The following DISP3 variants were observed in gnomAD, a reference collection of about 807,000 sequenced individuals.
DISP3 encodes the protein protein dispatched homolog 3.
In DISP3, 101 loss-of-function variants were observed where a neutral mutation model predicts 135.3. The ratio of observed to expected loss-of-function variants is 0.75; its 90% confidence interval spans 0.64 to 0.88. The LOEUF (loss-of-function observed/expected upper bound fraction) is 0.88, where lower values mean the gene tolerates loss of function less well. Among genes scored for constraint, DISP3 ranks in the 40% least tolerant of loss-of-function variants. The probability of loss-of-function intolerance (pLI) is 0.00; values close to 1 mark genes in which losing one functional copy is unlikely to be tolerated. For missense variants in DISP3, 1,713 were observed against 1,878.6 expected, an observed-to-expected ratio of 0.91 and a Z score of 1.63; for synonymous variants, 856 against 817.0, an observed-to-expected ratio of 1.05 and a Z score of -0.81.
intron 4 of DISP3, 37 bp from the exon 5 acceptor site, chr1:11,515,332 C>G: frequency 6.2e-7 from 1 of 1,611,300 alleles, no homozygotes; most frequent in Non-Finnish European, 8.5e-7. Context: ...CCATGAGGGT[C>G]CCCCCACCGT....
intron 12 of DISP3, among the ~76,000 whole-genome samples, chr1:11,526,048 G>T (rs957766436): frequency 3.9e-5 from 6 of 152,102 alleles, no homozygotes; most frequent in Admixed American, 3.9e-4. Context: ...CTTTAACGTG[G>T]TACACACCCT....
At chr1:11,488,523 G>C (rs552819375) in intron 1 of DISP3, among the ~76,000 whole-genome samples, 1 of 152,212 alleles carries the variant, frequency 6.6e-6, no homozygotes, top group African/African-American at 2.4e-5. Context: ...GGCACCCGTG[G>C]TGGGGAACTT....
intron 3 of DISP3, 67 bp from the exon 4 acceptor site, chr1:11,514,323 C>T (rs1641939991): frequency 2.0e-6 from 3 of 1,510,650 alleles, no homozygotes; most frequent in South Asian, 1.1e-5. Context: ...TCTACATGTT[C>T]ACATGTTCAC....
intron 10 of DISP3, among the ~76,000 whole-genome samples, chr1:11,522,605 GAGCCCAGCCA>G (rs1642239870): frequency 1.0e-5 from 1 of 96,278 alleles, no homozygotes; most frequent in African/African-American, 3.3e-5. Context: ...GACCCAGCCA[GAGCCCAGCCA>G]GGACCCAGCC....
intron 12 of DISP3, among the ~76,000 whole-genome samples, chr1:11,525,843 T>C (rs1642400448): frequency 6.6e-6 from 1 of 152,164 alleles, no homozygotes; most frequent in South Asian, 2.1e-4. Flanking sequence ...AGGGGCTTGC[T>C]CTGTCACCCA....
At chr1:11,513,997 A>T (rs1016164208) in intron 3 of DISP3, among the ~76,000 whole-genome samples, 3 of 151,950 alleles carry the variant, frequency 2.0e-5, no homozygotes, top group African/African-American at 7.2e-5. Flanking sequence ...GACACATTGA[A>T]TAGCAGTGTA....
chr1:11,498,478 C>T (rs1036911673), intron 1 of DISP3, among the ~76,000 whole-genome samples: 2 of 152,084 alleles, frequency 1.3e-5, no homozygotes, highest in African/African-American at 4.8e-5. Flanking sequence ...GATGAGCGTC[C>T]GAAGAGAGCC....
At chr1:11,535,370 T>C in intron 19 of DISP3, 108 bp from the exon 20 acceptor site, 1 of 1,444,024 alleles carries the variant, frequency 6.9e-7, no homozygotes, top group Non-Finnish European at 9.3e-7. Flanking sequence ...TCGGTGTGCC[T>C]TGTTTCTCCT....
intron 3 of DISP3, among the ~76,000 whole-genome samples, chr1:11,512,734 C>T (rs1357424398): frequency 6.6e-6 from 1 of 152,192 alleles, no homozygotes; most frequent in Admixed American, 6.5e-5. Context: ...GAGCCCCACT[C>T]TACTGGTACC....
chr1:11,524,071 G>A lies in DISP3; in HGVS notation c.2476+16G>A, dbSNP rs763723694. 9 of 1,574,786 alleles carry A rather than the reference G, an allele frequency of 5.7e-6. No homozygotes were observed. Among genetic ancestry groups the A allele is most frequent in the Admixed American group, 3.3e-5 (2 of 59,806 alleles). ...ACCCTGCAGGGTGAGCACTGGGGGTGGAGGGTGGGGAAATCCTCCCTGGTG... is the reference window on the plus strand; with the variant it reads ...ACCCTGCAGGGTGAGCACTGGGGGTAGAGGGTGGGGAAATCCTCCCTGGTG... On this transcript the variant is annotated intron_variant, in intron 11 of 20. Coordinates refer to ENST00000294484, the MANE Select transcript of DISP3 (RefSeq NM_020780.2).
intron 12 of DISP3, among the ~76,000 whole-genome samples, chr1:11,526,445 A>G (rs1347830418): frequency 6.6e-6 from 1 of 152,228 alleles, no homozygotes; most frequent in African/African-American, 2.4e-5. Context: ...GGAAGAAACA[A>G]GGCTCAGAGA....
chr1:11,523,230 A>G (rs1358719152), intron 10 of DISP3, among the ~76,000 whole-genome samples: 1 of 151,976 alleles, frequency 6.6e-6, no homozygotes, highest in Admixed American at 6.6e-5. Flanking sequence ...TAGTTCTCTC[A>G]TTTCTAATTT....
intron 17 of DISP3, chr1:11,533,967 C>T: frequency 1.5e-6 from 1 of 682,560 alleles, no homozygotes; most frequent in Non-Finnish European, 2.7e-6. Context: ...GTGACAAGAG[C>T]AGGGGAAGCA....
At position 11,516,319 on chromosome 1, in the gene DISP3, C is replaced by T. The variant is rs926043268; in HGVS notation, c.1749+158C>T. 6.6e-6 allele frequency among the ~76,000 whole-genome samples: 1 copy of T among 152,150 alleles called. No individual in the cohort carries two copies. The highest frequency in any genetic ancestry group is 1.5e-5 in the Non-Finnish European group (1 of 68,040). ...GAGTTCATTTTTGTCACGAATCACC[C>T]ATTACCCAAACTTAACAAGTGGGAA... On this transcript the variant is annotated intron_variant, in intron 6 of 20. Coordinates refer to ENST00000294484, the MANE Select transcript of DISP3 (RefSeq NM_020780.2). This position sits in a 1 kb window ranked among gnomAD's most constrained non-coding sequence, Gnocchi z 5.1.
At position 11,501,748 on chromosome 1, in the gene DISP3, C is replaced by T. The variant is rs1250583504; in HGVS notation, c.756C>T (p.Gly252=). 6.3e-7 allele frequency: 1 copy of T among 1,591,008 alleles called. No homozygotes were observed. Among genetic ancestry groups the T allele is most frequent in the South Asian group, 1.1e-5 (1 of 88,874 alleles). ...VAANQSRARR[G]ASRWDYSRAY... is the part of the protein sequence containing the mutation. Reference sequence around the variant, plus strand: ...CCAATCAGAGCCGTGCCCGCCGAGGCGCCTCGCGCTGGGACTACTCGCGCG... The same window carrying T: ...CCAATCAGAGCCGTGCCCGCCGAGGTGCCTCGCGCTGGGACTACTCGCGCG... Residue 252 remains glycine (G), a synonymous_variant, in exon 2 of 21, where the codon GGC becomes GGT. Coordinates refer to ENST00000294484, the MANE Select transcript of DISP3 (RefSeq NM_020780.2). This position sits in a 1 kb window ranked among gnomAD's most constrained non-coding sequence, Gnocchi z 4.9.
chr1:11,526,725 G>T lies in DISP3; in HGVS notation c.2688G>T (p.Ala896=). The change falls in exon 13 of 21, where the codon GCG becomes GCT. Residue 896 remains alanine (A), a synonymous_variant. Transcript: ENST00000294484. ...ACMSTVGLLQ[A]ASPSRKWMLT... ...TGTCTACAGTAGGGCTGCTCCAGGCGGCGAGCCCCTCCCGCAAGTGGATGC... is the reference window on the plus strand; with the variant it reads ...TGTCTACAGTAGGGCTGCTCCAGGCTGCGAGCCCCTCCCGCAAGTGGATGC... 19 of 1,614,030 alleles carry T rather than the reference G, an allele frequency of 1.2e-5. No homozygotes were observed. The highest frequency in any genetic ancestry group is 1.5e-5 in the Non-Finnish European group (18 of 1,180,028).
chr1:11,526,596 G>C, intron 12 of DISP3, 55 bp from the exon 13 acceptor site: 1 of 1,572,866 alleles, frequency 6.4e-7, no homozygotes, highest in Non-Finnish European at 8.7e-7. Context: ...GGCTGGCCCA[G>C]GCCGAGGCAG....
At chr1:11,525,347 A>G in intron 12 of DISP3, 35 bp downstream of exon 12, 3 of 1,594,552 alleles carry the variant, frequency 1.9e-6, no homozygotes, top group African/African-American at 2.7e-5. Context: ...AGCCGCCACC[A>G]CTGTGGGTGG....
chr1:11,493,064 C>A (rs1048377694), intron 1 of DISP3, among the ~76,000 whole-genome samples: 1 of 152,256 alleles, frequency 6.6e-6, no homozygotes, highest in Admixed American at 6.5e-5. Context: ...ATATATATAT[C>A]AGAGAGAGAT....
Sources: allele counts gnomAD v4.1 joint callset (sites outside exome capture counted in the v4.1 genomes callset), GRCh38; gene constraint gnomAD v4.1.1; non-coding constraint Gnocchi (gnomAD v3.1); transcripts MANE v1.5; gene names NCBI Gene and HGNC (gene_info 2026-07-23, HGNC 2026-07-21).